Variants in RAD51C observed in about 807,000 individuals in gnomAD.
The protein encoded by RAD51C is RAD51 paralog C, also known as DNA repair protein RAD51 homolog 3.
In RAD51C, 42 loss-of-function variants were observed where a neutral mutation model predicts 45.0. That is an observed-to-expected ratio of 0.93 (90% CI 0.73 to 1.21). RAD51C has a LOEUF of 1.21. Among genes scored for constraint, RAD51C ranks in the 50% most tolerant of loss-of-function variants. The pLI is 0.00. For missense variants in RAD51C, 474 were observed against 452.2 expected, an observed-to-expected ratio of 1.05 and a Z score of -0.44; for synonymous variants, 172 against 159.8, an observed-to-expected ratio of 1.08 and a Z score of -0.58.
intron 7 of RAD51C, among the ~76,000 whole-genome samples, chr17:58,728,135 C>T (rs1174876321): frequency 6.6e-6 from 1 of 151,232 alleles, no homozygotes; most frequent in East Asian, 2.0e-4. Flanking sequence ...ATCCCAACTA[C>T]TCAGGAGGCT....
At chr17:58,719,961 C>T (rs2048859165) in intron 5 of RAD51C, among the ~76,000 whole-genome samples, 1 of 150,946 alleles carries the variant, frequency 6.6e-6, no homozygotes, top group Non-Finnish European at 1.5e-5. Flanking sequence ...ATCTCCTGAC[C>T]TCGTGATCCG....
intron 5 of RAD51C, among the ~76,000 whole-genome samples, chr17:58,720,482 A>G (rs1428371135): frequency 6.6e-6 from 1 of 151,782 alleles, no homozygotes. Flanking sequence ...TTATTTATTT[A>G]TTTAGTGAGA....
At chr17:58,710,042 A>G (rs2048504663) in intron 5 of RAD51C, 52 bp downstream of exon 5, 14 of 1,547,942 alleles carry the variant, frequency 9.0e-6, no homozygotes, top group Non-Finnish European at 1.2e-5. Flanking sequence ...GACTGTATAA[A>G]ATGTTAATGT....
intron 4 of RAD51C, among the ~76,000 whole-genome samples, chr17:58,708,780 G>A (rs2048456564): frequency 6.6e-6 from 1 of 151,848 alleles, no homozygotes; most frequent in African/African-American, 2.4e-5. Context: ...ACGTTGGCCA[G>A]GCTGGTCTCA....
chr17:58,734,461 A>G lies in RAD51C; in HGVS notation c.*239A>G, dbSNP rs1177424935. On this transcript the variant is annotated 3_prime_UTR_variant, in exon 9 of 9. Transcript: ENST00000337432. ...GTAACATTCAGTAGAGATGATTATTATATTTCACAAATGTGGAAAGCTGAT... is the reference window on the plus strand; with the variant it reads ...GTAACATTCAGTAGAGATGATTATTGTATTTCACAAATGTGGAAAGCTGAT... 3 of 640,342 alleles carry G rather than the reference A, an allele frequency of 4.7e-6. No homozygotes were observed. Among genetic ancestry groups the G allele is most frequent in the Non-Finnish European group, 7.6e-6 (3 of 392,196 alleles). The allele number at this position is 640,342 out of a possible 1,614,324, so 39.7% of individuals were successfully genotyped here.
At chr17:58,726,881 C>T (rs569920725) in intron 7 of RAD51C, among the ~76,000 whole-genome samples, 149 of 152,050 alleles carry the variant, frequency 9.8e-4, no homozygotes, top group Non-Finnish European at 1.9e-3. Context: ...AGTGCAGTGG[C>T]GCGATCTCGG....
intron 5 of RAD51C, among the ~76,000 whole-genome samples, chr17:58,715,916 C>A (rs1381287818): frequency 6.6e-6 from 1 of 152,062 alleles, no homozygotes. Context: ...ACCAGCCTGG[C>A]CAACATGGTG....
rs550757849 is a variant in RAD51C at position 58,692,745 on chromosome 17, T to G, written c.102T>G (p.Thr34=). ...AGCTGGTGTCTGCGGGGTTCCAGAC[T>G]GCTGAGGAACTCCTAGAGGTGAAAC... The part of the protein sequence containing the change: ...RVKLVSAGFQ[T]AEELLEVKPS... The change falls in exon 1 of 9, where the codon ACT becomes ACG. Residue 34 remains threonine, a synonymous_variant. Coordinates refer to ENST00000337432, the MANE Select transcript of RAD51C (RefSeq NM_058216.3). 14 of 1,614,256 alleles carry G rather than the reference T, an allele frequency of 8.7e-6. No homozygotes were observed. In the Admixed American group the frequency reaches 1.3e-4, roughly 15 times the overall value.
chr17:58,724,096 CA>C lies in RAD51C; in HGVS notation c.964del (p.Arg322GlyfsTer42), dbSNP rs1555603056. 2 of 1,610,954 alleles carry C rather than the reference CA, an allele frequency of 1.2e-6. No homozygotes were observed. The highest frequency in any genetic ancestry group is 1.7e-6 in the Non-Finnish European group (2 of 1,177,232). ...GCTAATCTTTCATTGGGACCGAAAG[CA>C]AAGGTCAGTACAGAAACAAGTTAAT... ...IRLIFHWDRK[Q>X]RLATLYKSPS... On this transcript the variant is annotated frameshift_variant, in exon 7 of 9. Transcript: ENST00000337432. LOFTEE classifies it high-confidence loss of function.
chr17:58,711,484 AT>A (rs2048555223), intron 5 of RAD51C, among the ~76,000 whole-genome samples: 3 of 152,156 alleles, frequency 2.0e-5, no homozygotes. Context: ...CTTCTTTTTT[AT>A]TTTTTTGGAG....
chr17:58,733,074 G>A (rs931326646), intron 8 of RAD51C, among the ~76,000 whole-genome samples: 16 of 151,878 alleles, frequency 1.1e-4, no homozygotes, highest in African/African-American at 3.1e-4. Flanking sequence ...GGAGTGCAGC[G>A]GTGCAATCTT....
chr17:58,703,687 A>G (rs1199524139), intron 4 of RAD51C, among the ~76,000 whole-genome samples: 1 of 152,082 alleles, frequency 6.6e-6, no homozygotes, highest in Non-Finnish European at 1.5e-5. Context: ...GGCCAGGTGC[A>G]GTGGCTCATA....
Position 58,717,441 on chromosome 17 carries a change from C to A in RAD51C, c.838-3305C>A, listed in dbSNP as rs527695358. Among the ~76,000 whole-genome samples, 5 of 151,492 alleles carry A rather than the reference C, an allele frequency of 3.3e-5. No individual in the cohort carries two copies. The East Asian group carries it at 7.8e-4, about 24-fold the overall frequency. On this transcript the variant is annotated intron_variant, in intron 5 of 8. Coordinates refer to ENST00000337432, the MANE Select transcript of RAD51C (RefSeq NM_058216.3). ...TGAGACCCCATTTCTAAAAACTATT[C>A]TTAAGAAAAGCTGCCGGCCGGGTGT...
rs1567819393 is a variant in RAD51C at position 58,734,951 on chromosome 17, A to C, written c.*729A>C. ...TTTAAAATTACCCGCTTTTATAATTATAAAAGAGAAGCCAGCACCATGAGT... is the reference window on the plus strand; with the variant it reads ...TTTAAAATTACCCGCTTTTATAATTCTAAAAGAGAAGCCAGCACCATGAGT... On this transcript the variant is annotated 3_prime_UTR_variant, in exon 9 of 9. Coordinates refer to ENST00000337432, the MANE Select transcript of RAD51C (RefSeq NM_058216.3). The C allele has an allele frequency of 6.6e-6, 1 of 152,390 alleles. No individual in the cohort carries two copies. Among genetic ancestry groups the C allele is most frequent in the African/African-American group, 2.4e-5 (1 of 41,568 alleles). 9.4% of individuals were successfully genotyped at this position (152,390 alleles called of 1,614,324 possible).
At chr17:58,731,752 ATAT>A (rs1419403152) in intron 7 of RAD51C, among the ~76,000 whole-genome samples, 1 of 152,004 alleles carries the variant, frequency 6.6e-6, no homozygotes, top group Admixed American at 6.6e-5. Context: ...TAATCATTTT[ATAT>A]TATTATTTTT....
At chr17:58,730,120 C>T (rs1466844431) in intron 7 of RAD51C, among the ~76,000 whole-genome samples, 2 of 150,386 alleles carry the variant, frequency 1.3e-5, no homozygotes, top group African/African-American at 2.4e-5. Flanking sequence ...ATTATCAACC[C>T]TAGGGAATTA....
At chr17:58,696,354 A>G (rs1374978230) in intron 2 of RAD51C, among the ~76,000 whole-genome samples, 1 of 152,080 alleles carries the variant, frequency 6.6e-6, no homozygotes, top group Non-Finnish European at 1.5e-5. Context: ...AATGGCGTAA[A>G]CCTGGGAGGC....
In RAD51C at chr17:58,703,332, A is replaced by G. The variant is rs878855179; in HGVS notation, c.705+3A>G. The G allele has an allele frequency of 6.2e-7, 1 of 1,611,030 alleles. No individual in the cohort carries two copies. The highest frequency in any genetic ancestry group is 8.5e-7 in the Non-Finnish European group (1 of 1,177,634). ...ATTTCCTTTCAGAACACTCAAAGGTATGAGTCAGACTACTGAAATGTAACT... is the reference window on the plus strand; with the variant it reads ...ATTTCCTTTCAGAACACTCAAAGGTGTGAGTCAGACTACTGAAATGTAACT... On this transcript the variant is annotated splice_donor_region_variant and intron_variant, in intron 4 of 8. Transcript: ENST00000337432.
At chr17:58,698,706 G>A (rs1393771374) in intron 3 of RAD51C, among the ~76,000 whole-genome samples, 2 of 151,330 alleles carry the variant, frequency 1.3e-5, no homozygotes, top group East Asian at 2.0e-4. Flanking sequence ...TTGGGAGGCC[G>A]AGGCGGGCGG....
Sources: gnomAD v4.1 joint callset for allele counts (sites outside exome capture counted in the v4.1 genomes callset) on GRCh38, gnomAD v4.1.1 for gene constraint, MANE v1.5 for transcripts, NCBI Gene and HGNC (gene_info 2026-07-23, HGNC 2026-07-21) for gene names.